The following FAAH2 variants were observed in gnomAD, a reference collection of about 807,000 sequenced individuals.
The protein encoded by FAAH2 is fatty-acid amide hydrolase 2.
A neutral mutation model predicts 36.9 loss-of-function variants in FAAH2; 60 were observed. The ratio of observed to expected loss-of-function variants is 1.63; its 90% CI spans 1.32 to 2.02. FAAH2 has a LOEUF of 2.02. Ranked by LOEUF, FAAH2 falls within the 30% of genes most tolerant of loss-of-function variation. The pLI, the probability that FAAH2 is intolerant of heterozygous loss-of-function variation, is 0.00. For missense variants in FAAH2, 689 were observed against 397.5 expected (o/e 1.73, Z -6.23); for synonymous variants, 214 against 143.8 (o/e 1.49, Z -3.49).
the FAAH2 span, among the ~76,000 whole-genome samples, chrX:57,202,661 G>A: frequency 9.0e-6 from 1 of 111,524 alleles, no homozygotes; most frequent in Non-Finnish European, 1.9e-5. Flanking sequence ...TACACTTAAG[G>A]CCCACAGGCT....
chrX:57,331,171 C>T (rs1007580369), intron 3 of FAAH2, among the ~76,000 whole-genome samples: 3 of 111,940 alleles, frequency 2.7e-5, no homozygotes, highest in Non-Finnish European at 5.6e-5. Flanking sequence ...TCTGCTCCAG[C>T]TTGAGTTCTG....
Position 57,378,790 on chromosome X carries a change from T to A in FAAH2, c.878+4T>A, listed in dbSNP as rs749671958. 8 of 1,199,589 alleles carry A rather than the reference T, an allele frequency of 6.7e-6. No homozygotes were observed. In the African/African-American group the frequency reaches 1.2e-4, roughly 18 times the overall value. On this transcript the variant is annotated splice_donor_region_variant and intron_variant, in intron 6 of 10. Coordinates refer to ENST00000374900, the MANE Select transcript of FAAH2 (RefSeq NM_174912.4). ...TGGCAGGACCTGGGATCAAAAGGTA[T>A]GTTCATTTATTTTTATTTCCTTGGA...
the FAAH2 span, among the ~76,000 whole-genome samples, chrX:57,270,148 C>A: frequency 9.0e-6 from 1 of 110,707 alleles, no homozygotes; most frequent in Admixed American, 9.6e-5. Flanking sequence ...ACAAATACAC[C>A]CTCGCAAGAC....
At chrX:57,215,133 C>T in the FAAH2 span, among the ~76,000 whole-genome samples, 21,076 of 104,540 alleles carry the variant, frequency 0.2, 2,217 homozygotes, top group Middle Eastern at 0.54. Flanking sequence ...AAGAAAACAC[C>T]ACCATCAAAA....
chrX:57,176,809 T>C, the FAAH2 span, among the ~76,000 whole-genome samples: 1 of 111,719 alleles, frequency 9.0e-6, no homozygotes, highest in East Asian at 2.8e-4. Flanking sequence ...TAGTTTATTG[T>C]TACCTAGCTT....
the FAAH2 span, among the ~76,000 whole-genome samples, chrX:57,145,243 A>C: frequency 1.2e-5 from 1 of 81,686 alleles, no homozygotes; most frequent in African/African-American, 7.2e-5. Context: ...TTTGATTATG[A>C]TCATTCTTTT....
the FAAH2 span, among the ~76,000 whole-genome samples, chrX:57,133,723 G>A: frequency 8.9e-6 from 1 of 112,199 alleles, no homozygotes; most frequent in South Asian, 3.7e-4. Flanking sequence ...AGAAAATAAT[G>A]AAAACACAAA....
chrX:57,443,242 G>A (rs1485918758), intron 8 of FAAH2, among the ~76,000 whole-genome samples: 2 of 111,717 alleles, frequency 1.8e-5, no homozygotes, highest in East Asian at 5.6e-4. Context: ...TCACTTTCAG[G>A]TACACCAATC....
At chrX:57,185,123 A>T in the FAAH2 span, among the ~76,000 whole-genome samples, 1 of 111,066 alleles carries the variant, frequency 9.0e-6, no homozygotes, top group East Asian at 2.8e-4. Flanking sequence ...ATGTACAATA[A>T]AATTATTAAT....
chrX:57,335,430 C>A (rs1323821461), intron 4 of FAAH2, among the ~76,000 whole-genome samples: 1 of 112,137 alleles, frequency 8.9e-6, no homozygotes, highest in African/African-American at 3.2e-5. Flanking sequence ...AATGTCTCTG[C>A]ATCATAAACA....
the FAAH2 span, among the ~76,000 whole-genome samples, chrX:57,244,907 A>G: frequency 1.8e-5 from 2 of 111,907 alleles, no homozygotes; most frequent in African/African-American, 3.3e-5. Context: ...AATGGGTTAA[A>G]TGCCCCAGTT....
rs767607932 is a variant in FAAH2 at position 57,286,921 on chromosome X, G to C, written c.96G>C (p.Gly32=). The change falls in exon 1 of 11, where the codon GGG becomes GGC. Residue 32 remains glycine (G), a synonymous_variant. Transcript: ENST00000374900. The stretch of plus-strand genomic sequence containing the variant: ...TAGGCCGAGCAGCTTTAGTCTTAGG[G>C]GGTCCAAAGTTTGCCTCAAAGACCC... ...GLVGRAALVL[G]GPKFASKTPR... 3.3e-6 allele frequency: 4 copies of C among 1,206,964 alleles called. No individual in the cohort carries two copies. Among genetic ancestry groups the C allele is most frequent in the Non-Finnish European group, 3.4e-6 (3 of 893,470 alleles).
chrX:57,304,540 T>C (rs2052466294), intron 2 of FAAH2, among the ~76,000 whole-genome samples: 1 of 111,957 alleles, frequency 8.9e-6, no homozygotes, highest in Non-Finnish European at 1.9e-5. Context: ...CAGATACCAC[T>C]GGTAAACCAA....
Position 57,360,274 on chromosome X carries a change from C to T in FAAH2, c.743-18377C>T, listed in dbSNP as rs566725040. Among the ~76,000 whole-genome samples the T allele has an allele frequency of 2.1e-4, 23 of 110,930 alleles. No individual in the cohort carries two copies. In the South Asian group the frequency reaches 8.6e-3, roughly 42 times the overall value. ...CTTCTTTCTTCAAATAATTCCTCTT[C>T]CCTTTTACTTTTTTATGGGTATTTC... On this transcript the variant is annotated intron_variant, in intron 5 of 10. Coordinates refer to ENST00000374900, the MANE Select transcript of FAAH2 (RefSeq NM_174912.4).
chrX:57,163,462 C>G, the FAAH2 span, among the ~76,000 whole-genome samples: 1 of 111,894 alleles, frequency 8.9e-6, no homozygotes, highest in Admixed American at 9.4e-5. Flanking sequence ...CCCCCAGCCT[C>G]GCTGCCGCCT....
At chrX:57,144,809 A>G in the FAAH2 span, among the ~76,000 whole-genome samples, 1 of 110,602 alleles carries the variant, frequency 9.0e-6, no homozygotes, top group Non-Finnish European at 1.9e-5. Flanking sequence ...ACTTAGAATG[A>G]TAGTCTCCAA....
At chrX:57,481,578 A>G (rs1283035879) in intron 10 of FAAH2, among the ~76,000 whole-genome samples, 1 of 111,967 alleles carries the variant, frequency 8.9e-6, no homozygotes, top group Admixed American at 9.4e-5. Context: ...AGGCTGTAGA[A>G]CAGCAAATAT....
chrX:57,287,023 A>T lies in FAAH2; in HGVS notation c.192+6A>T. The T allele has an allele frequency of 8.5e-7, 1 of 1,174,149 alleles. No individual in the cohort carries two copies. Among genetic ancestry groups the T allele is most frequent in the Non-Finnish European group, 1.1e-6 (1 of 874,367 alleles). On this transcript the variant is annotated splice_donor_region_variant and intron_variant, in intron 1 of 10. Transcript: ENST00000374900. ...AGCTGATCCGACAGAGAAAGGTGAG[A>T]ATGCAATTCAGAAGAGGCTGGAGGG...
the FAAH2 span, among the ~76,000 whole-genome samples, chrX:57,219,897 G>T: frequency 1.2e-4 from 9 of 75,549 alleles, no homozygotes; most frequent in Non-Finnish European, 2.0e-4. Flanking sequence ...TTGCAATTCA[G>T]TCTGGCCACA....
Sources: allele counts gnomAD v4.1 joint callset (sites outside exome capture counted in the v4.1 genomes callset), GRCh38; gene constraint gnomAD v4.1.1; transcripts MANE v1.5; gene names NCBI Gene and HGNC (gene_info 2026-07-23, HGNC 2026-07-21).